Variants in ARHGAP42 observed in about 807,000 individuals in gnomAD.
The protein encoded by ARHGAP42 is Rho GTPase activating protein 42, also known as rho GTPase-activating protein 42.
ARHGAP42 carries 63 observed loss-of-function variants against 125.0 expected under a neutral mutation model. The observed-to-expected ratio is 0.50, with a 90% CI of 0.41 to 0.62. ARHGAP42 has a LOEUF of 0.62. Ranked by LOEUF, ARHGAP42 falls within the 20% of genes least tolerant of loss-of-function variation. ARHGAP42 has a pLI of 0.00. For missense variants in ARHGAP42, 766 were observed against 1,024.2 expected (o/e 0.75, Z 3.44); for synonymous variants, 339 against 351.0 (o/e 0.97, Z 0.38).
intron 18 of ARHGAP42, among the ~76,000 whole-genome samples, chr11:100,973,585 G>A (rs1452889903): frequency 2.6e-5 from 4 of 152,082 alleles, no homozygotes; most frequent in Non-Finnish European, 5.9e-5. Flanking sequence ...CCTGTGCAGA[G>A]AACATTTTAA....
chr11:100,892,285 T>C (rs1160282758), intron 4 of ARHGAP42, among the ~76,000 whole-genome samples: 1 of 152,222 alleles, frequency 6.6e-6, no homozygotes, highest in African/African-American at 2.4e-5. Context: ...TAAAATAGTT[T>C]AGCTATTTTA....
chr11:100,928,633 G>T (rs997748971), intron 6 of ARHGAP42, among the ~76,000 whole-genome samples: 1 of 151,766 alleles, frequency 6.6e-6, no homozygotes, highest in African/African-American at 2.4e-5. Flanking sequence ...ATACCATACA[G>T]ACAACTCATT....
In ARHGAP42 at chr11:100,784,770, T is replaced by C. The variant is rs548444260; in HGVS notation, c.251-10335T>C. Among the ~76,000 whole-genome samples the C allele has an allele frequency of 6.6e-5, 10 of 152,286 alleles. No individual in the cohort carries two copies. The South Asian group carries it at 2.1e-3, about 32-fold the overall frequency. On this transcript the variant is annotated intron_variant, in intron 2 of 23. Coordinates refer to ENST00000298815, the MANE Select transcript of ARHGAP42 (RefSeq NM_152432.4). ...GGTTATACCTACAGTAGTGAAAAAGTGTATAAATTTCAGATCAGCTAATTT... is the reference window on the plus strand; with the variant it reads ...GGTTATACCTACAGTAGTGAAAAAGCGTATAAATTTCAGATCAGCTAATTT...
intron 1 of ARHGAP42, among the ~76,000 whole-genome samples, chr11:100,764,196 T>C (rs1334057222): frequency 6.6e-6 from 1 of 152,110 alleles, no homozygotes; most frequent in Admixed American, 6.5e-5. Flanking sequence ...TGATTTTAAA[T>C]CATTTTTTGT....
At chr11:100,956,773 C>G (rs2135293125) in intron 12 of ARHGAP42, among the ~76,000 whole-genome samples, 1 of 152,212 alleles carries the variant, frequency 6.6e-6, no homozygotes, top group Non-Finnish European at 1.5e-5. Context: ...TGACTAGGTT[C>G]ACAGGGCCTG....
intron 1 of ARHGAP42, among the ~76,000 whole-genome samples, chr11:100,749,324 C>G (rs1207796221): frequency 6.6e-6 from 1 of 151,162 alleles, no homozygotes; most frequent in Non-Finnish European, 1.5e-5. Flanking sequence ...CTCAACCCCT[C>G]AAACCAGGGA....
At chr11:100,865,230 C>T (rs1000257120) in intron 4 of ARHGAP42, among the ~76,000 whole-genome samples, 1 of 152,074 alleles carries the variant, frequency 6.6e-6, no homozygotes, top group African/African-American at 2.4e-5. Flanking sequence ...TTTAAACATT[C>T]CTTATACATG....
At chr11:100,900,276 C>T (rs1364453878) in intron 4 of ARHGAP42, among the ~76,000 whole-genome samples, 3 of 152,182 alleles carry the variant, frequency 2.0e-5, no homozygotes, top group African/African-American at 4.8e-5. Context: ...CAAGAGTTCT[C>T]CTGCTAATCT....
At chr11:100,722,246 T>C (rs1178853327) in intron 1 of ARHGAP42, among the ~76,000 whole-genome samples, 1 of 152,204 alleles carries the variant, frequency 6.6e-6, no homozygotes, top group African/African-American at 2.4e-5. Context: ...ATGTATTCTT[T>C]GGTGAGTTGT....
intron 22 of ARHGAP42, among the ~76,000 whole-genome samples, chr11:100,987,293 A>C (rs778717949): frequency 6.6e-6 from 1 of 152,198 alleles, no homozygotes; most frequent in Admixed American, 6.5e-5. Flanking sequence ...GCCTAGAAAC[A>C]CAAGAAAGGT....
rs1200652295 is a variant in ARHGAP42 at position 100,993,317 on chromosome 11, G to A, written c.*4516G>A. 1 of 163,646 alleles carries A rather than the reference G, an allele frequency of 6.1e-6. No individual in the cohort carries two copies. The allele number at this position is 163,646 out of a possible 1,614,324, so 10.1% of individuals were successfully genotyped here. A position where few individuals can be genotyped will look rare whatever the true frequency, so the allele number is the denominator to read the frequency against. ...AATGCACACCTTTAATCTCTATATG[G>A]CAGCATATACATATATATATATAAA... is the stretch of plus-strand genomic sequence containing the variant. On this transcript the variant is annotated 3_prime_UTR_variant, in exon 24 of 24. Coordinates refer to ENST00000298815, the MANE Select transcript of ARHGAP42 (RefSeq NM_152432.4).
At chr11:100,961,400 C>A (rs1752246975) in intron 14 of ARHGAP42, among the ~76,000 whole-genome samples, 1 of 152,106 alleles carries the variant, frequency 6.6e-6, no homozygotes, top group South Asian at 2.1e-4. Context: ...ATGTTAATCT[C>A]CGTAAAGCAC....
chr11:100,938,289 C>G (rs1272037141), intron 8 of ARHGAP42, among the ~76,000 whole-genome samples: 1 of 152,122 alleles, frequency 6.6e-6, no homozygotes, highest in South Asian at 2.1e-4. Flanking sequence ...GCTTGCCCAT[C>G]ATCTAATGCG....
At chr11:100,765,562 A>T (rs996825829) in intron 1 of ARHGAP42, among the ~76,000 whole-genome samples, 27 of 152,200 alleles carry the variant, frequency 1.8e-4, no homozygotes, top group African/African-American at 6.0e-4. Context: ...AAATGCTTAC[A>T]GAAGTATCAG....
Position 100,795,093 on chromosome 11 carries a change from C to T in ARHGAP42, c.251-12C>T. 1 of 1,528,016 alleles carries T rather than the reference C, an allele frequency of 6.5e-7. No individual in the cohort carries two copies. The highest frequency in any genetic ancestry group is 1.3e-5 in the South Asian group (1 of 79,090). The allele number at this position is 1,528,016 out of a possible 1,614,324, so 94.7% of individuals were successfully genotyped here. On this transcript the variant is annotated splice_polypyrimidine_tract_variant and intron_variant, in intron 2 of 23. Coordinates refer to ENST00000298815, the MANE Select transcript of ARHGAP42 (RefSeq NM_152432.4). ...ATATTAATTCTTTGCATTTTTTTAT[C>T]TTTCCAAACAGCTCAGTCACTAAAA...
chr11:100,751,628 G>T (rs1347248482), intron 1 of ARHGAP42, among the ~76,000 whole-genome samples: 4 of 151,792 alleles, frequency 2.6e-5, no homozygotes, highest in African/African-American at 9.7e-5. Flanking sequence ...GTAGCAGCTG[G>T]GAAAGCCCTC....
At chr11:100,802,608 T>C (rs930189034) in intron 3 of ARHGAP42, among the ~76,000 whole-genome samples, 4 of 137,508 alleles carry the variant, frequency 2.9e-5, no homozygotes, top group African/African-American at 1.1e-4. Flanking sequence ...TATTTTTGTT[T>C]TTTTAGTAGA....
chr11:100,841,620 G>A (rs1351096130), intron 3 of ARHGAP42, among the ~76,000 whole-genome samples: 1 of 152,142 alleles, frequency 6.6e-6, no homozygotes, highest in African/African-American at 2.4e-5. Flanking sequence ...TCTGTACCCA[G>A]TCTTCATCTC....
At chr11:100,787,588 C>A (rs184582087) in intron 2 of ARHGAP42, among the ~76,000 whole-genome samples, 46 of 152,252 alleles carry the variant, frequency 3.0e-4, no homozygotes, top group Admixed American at 7.8e-4. Flanking sequence ...TGAATCTCAG[C>A]CCAAATGTGG....
Sources: allele counts gnomAD v4.1 joint callset (sites outside exome capture counted in the v4.1 genomes callset), GRCh38; gene constraint gnomAD v4.1.1; transcripts MANE v1.5; gene names NCBI Gene and HGNC (gene_info 2026-07-23, HGNC 2026-07-21).